Variants in ST3GAL1 observed in about 807,000 individuals in gnomAD.
ST3GAL1 encodes the protein CMP-N-acetylneuraminate-beta-galactosamide-alpha-2,3-sialyltransferase 1.
ST3GAL1 carries 16 observed loss-of-function variants against 34.1 expected under a neutral mutation model. The ratio of observed to expected loss-of-function variants is 0.47; its 90% CI spans 0.32 to 0.71. The LOEUF (loss-of-function observed/expected upper bound fraction) is 0.71, where lower values mean the gene tolerates loss of function less well. ST3GAL1 is among the 30% of genes least tolerant of loss of function. The pLI, the probability that ST3GAL1 is intolerant of heterozygous loss-of-function variation, is 0.04. For missense variants in ST3GAL1, 353 were observed against 447.4 expected (o/e 0.79, Z 1.90); for synonymous variants, 191 against 184.7 (o/e 1.03, Z -0.28).
At chr8:133,558,939 T>C (rs916659912) in intron 1 of ST3GAL1, among the ~76,000 whole-genome samples, 1 of 152,064 alleles carries the variant, frequency 6.6e-6, no homozygotes, top group African/African-American at 2.4e-5. Context: ...TCCTCGTGGG[T>C]CTTCTCCAGG....
chr8:133,528,319 T>C (rs1342077966), intron 2 of ST3GAL1, among the ~76,000 whole-genome samples: 1 of 152,224 alleles, frequency 6.6e-6, no homozygotes, highest in Non-Finnish European at 1.5e-5. Context: ...CCTAGATTGC[T>C]AAGCTCAGTA....
chr8:133,514,222 G>C (rs1328436626), intron 2 of ST3GAL1, among the ~76,000 whole-genome samples: 1 of 152,106 alleles, frequency 6.6e-6, no homozygotes, highest in African/African-American at 2.4e-5. Flanking sequence ...CTTACTCATG[G>C]GGATCTAAGA....
chr8:133,477,546 C>A (rs1382421899), intron 3 of ST3GAL1, among the ~76,000 whole-genome samples: 1 of 147,800 alleles, frequency 6.8e-6, no homozygotes, highest in African/African-American at 2.5e-5. Context: ...GGACCAGGAA[C>A]AGGGGGTTGG....
At position 133,541,110 on chromosome 8, in the gene ST3GAL1, T is replaced by TAAAC. The variant is rs1488410302; in HGVS notation, c.-429+4663_-429+4664insGTTT. Among the ~76,000 whole-genome samples, 59 of 42,018 alleles carry TAAAC rather than the reference T, an allele frequency of 1.4e-3. 4 individuals carry two copies. Among genetic ancestry groups the TAAAC allele is most frequent in the African/African-American group, 6.3e-3 (50 of 7,976 alleles). 27.6% of individuals were successfully genotyped at this position (42,018 alleles called of 152,430 possible). ...ATATATATAAACATATATATATATA[T>TAAAC]ATATATATATAGAGAGAGAGAGAGA... On this transcript the variant is annotated intron_variant, in intron 2 of 9. Coordinates refer to ENST00000522652, the MANE Select transcript of ST3GAL1 (RefSeq NM_173344.3).
intron 2 of ST3GAL1, among the ~76,000 whole-genome samples, chr8:133,506,296 C>A (rs993811008): frequency 1.3e-5 from 2 of 152,206 alleles, no homozygotes; most frequent in Non-Finnish European, 2.9e-5. Context: ...ACAGGACTGA[C>A]CTGATGGGGT....
chr8:133,473,358 G>A (rs1816038256), intron 5 of ST3GAL1, among the ~76,000 whole-genome samples: 1 of 152,150 alleles, frequency 6.6e-6, no homozygotes, highest in African/African-American at 2.4e-5. Context: ...TTCCTTGTCT[G>A]TAAAATGAGG....
At chr8:133,536,203 G>C (rs966311767) in intron 2 of ST3GAL1, among the ~76,000 whole-genome samples, 1 of 152,140 alleles carries the variant, frequency 6.6e-6, no homozygotes, top group African/African-American at 2.4e-5. Context: ...GGTGGGACAG[G>C]GAGAGCACAC....
chr8:133,563,075 G>T (rs1232494632), intron 1 of ST3GAL1, among the ~76,000 whole-genome samples: 1 of 152,048 alleles, frequency 6.6e-6, no homozygotes, highest in Non-Finnish European at 1.5e-5. Flanking sequence ...AAATATGCAT[G>T]AAGGGACTTT....
At chr8:133,536,388 T>C (rs537092539) in intron 2 of ST3GAL1, among the ~76,000 whole-genome samples, 1 of 152,330 alleles carries the variant, frequency 6.6e-6, no homozygotes, top group South Asian at 2.1e-4. Context: ...TAGCTGGGCA[T>C]GACTAGAATA....
chr8:133,474,980 G>C (rs1816111829), intron 5 of ST3GAL1, among the ~76,000 whole-genome samples: 1 of 152,192 alleles, frequency 6.6e-6, no homozygotes, highest in South Asian at 2.1e-4. Context: ...GTGAAATAGT[G>C]GCTCCCAAAA....
intron 2 of ST3GAL1, among the ~76,000 whole-genome samples, chr8:133,523,001 G>A (rs1330327145): frequency 6.6e-6 from 1 of 152,216 alleles, no homozygotes. Flanking sequence ...TGCTGGGGGA[G>A]ACATTCAGCA....
intron 5 of ST3GAL1, among the ~76,000 whole-genome samples, chr8:133,473,270 G>A (rs1816035766): frequency 6.6e-6 from 1 of 152,136 alleles, no homozygotes; most frequent in Non-Finnish European, 1.5e-5. Flanking sequence ...TCTAATAACA[G>A]TTTTTAATAC....
In ST3GAL1 at chr8:133,459,994, G is replaced by C; in HGVS notation, c.850-57C>G. The C allele has an allele frequency of 6.5e-7, 1 of 1,537,094 alleles. No individual in the cohort carries two copies. Among genetic ancestry groups the C allele is most frequent in the Non-Finnish European group, 8.8e-7 (1 of 1,137,202 alleles). On this transcript the variant is annotated intron_variant, in intron 9 of 9. Transcript: ENST00000522652. This position sits in a 1 kb window ranked among gnomAD's most constrained non-coding sequence, Gnocchi z 4.7. ...CAGCAGGGCTGCTGGTGGCACCTCT[G>C]AGAAAGGAAGCCTGTAGGCGTTCCT...
At chr8:133,472,748 G>T (rs1048897081) in intron 5 of ST3GAL1, among the ~76,000 whole-genome samples, 9 of 151,842 alleles carry the variant, frequency 5.9e-5, no homozygotes, top group African/African-American at 2.2e-4. Flanking sequence ...TCAGCCACCA[G>T]AGGCTAAACT....
intron 1 of ST3GAL1, among the ~76,000 whole-genome samples, chr8:133,563,074 T>C (rs1819294452): frequency 6.6e-6 from 1 of 152,148 alleles, no homozygotes; most frequent in Non-Finnish European, 1.5e-5. Flanking sequence ...TAAATATGCA[T>C]GAAGGGACTT....
chr8:133,534,743 A>G (rs920923642), intron 2 of ST3GAL1, among the ~76,000 whole-genome samples: 1 of 152,230 alleles, frequency 6.6e-6, no homozygotes, highest in African/African-American at 2.4e-5. Context: ...GGCCAGTAGC[A>G]AGGCCAGCTA....
At chr8:133,474,686 C>A (rs1164228617) in intron 5 of ST3GAL1, among the ~76,000 whole-genome samples, 2 of 152,146 alleles carry the variant, frequency 1.3e-5, no homozygotes, top group Middle Eastern at 3.2e-3. Flanking sequence ...GCTCTTGCAC[C>A]CGCTGTCCCA....
intron 2 of ST3GAL1, among the ~76,000 whole-genome samples, chr8:133,510,277 T>G (rs2978010): frequency 0.26 from 39,275 of 152,002 alleles, 5,298 homozygotes; most frequent in African/African-American, 0.31. Context: ...CTTCCCAAAG[T>G]GCTTCTCTGG....
intron 2 of ST3GAL1, among the ~76,000 whole-genome samples, chr8:133,535,226 C>T (rs967029307): frequency 6.6e-6 from 1 of 152,204 alleles, no homozygotes; most frequent in Non-Finnish European, 1.5e-5. Context: ...GGGTGATGAG[C>T]CCAGGCTAGA....
Sources: gnomAD v4.1 joint callset for allele counts (sites outside exome capture counted in the v4.1 genomes callset) on GRCh38, gnomAD v4.1.1 for gene constraint, Gnocchi (gnomAD v3.1) non-coding constraint, MANE v1.5 for transcripts, NCBI Gene and HGNC (gene_info 2026-07-23, HGNC 2026-07-21) for gene names.